Variants in RPS6KB1 observed in about 807,000 individuals in gnomAD.
The protein encoded by RPS6KB1 is ribosomal protein S6 kinase beta-1.
A neutral mutation model predicts 70.2 loss-of-function variants in RPS6KB1; 12 were observed. That is an observed-to-expected ratio of 0.17 (90% CI 0.11 to 0.28). The LOEUF (loss-of-function observed/expected upper bound fraction) is 0.28, where lower values mean the gene tolerates loss of function less well. Among genes scored for constraint, RPS6KB1 ranks in the 10% least tolerant of loss-of-function variants. RPS6KB1 has a pLI of 1.00. For synonymous variants in RPS6KB1, 175 were observed against 211.2 expected (o/e 0.83, Z 1.49); for missense variants, 270 against 646.6 (o/e 0.42, Z 6.32).
Position 59,946,583 on chromosome 17 carries a change from G to C in RPS6KB1, c.1373G>C (p.Gly458Ala). Residue 458 changes from glycine (G) to alanine (A), a missense_variant, in exon 15 of 15, where the codon GGA becomes GCA. Coordinates refer to ENST00000225577, the MANE Select transcript of RPS6KB1 (RefSeq NM_003161.4). This position sits in a 1 kb window ranked among gnomAD's most constrained non-coding sequence, Gnocchi z 4.2. ...PVKFSPGDFW[G>A]RGASASTANP... ...AAATTTTCTCCTGGGGATTTCTGGG[G>C]AAGAGGTGCTTCGGCCAGCACAGCA... 6.2e-7 allele frequency: 1 copy of C among 1,614,112 alleles called. No individual in the cohort carries two copies. Among genetic ancestry groups the C allele is most frequent in the Non-Finnish European group, 8.5e-7 (1 of 1,180,024 alleles).
chr17:59,947,687 A>G lies in RPS6KB1; in HGVS notation c.*899A>G. ...CGGGCCTGCATTGCACTGGAAAAAAAAATCGCCACCTGTTCTTACACCAGT... is the reference window on the plus strand; with the variant it reads ...CGGGCCTGCATTGCACTGGAAAAAAGAATCGCCACCTGTTCTTACACCAGT... On this transcript the variant is annotated 3_prime_UTR_variant, in exon 15 of 15. Transcript: ENST00000225577. The G allele has an allele frequency of 3.8e-6, 3 of 798,336 alleles. No homozygotes were observed. The highest frequency in any genetic ancestry group is 4.5e-4 in the Middle Eastern group (2 of 4,470). The allele number at this position is 798,336 out of a possible 1,614,324, so 49.5% of individuals were successfully genotyped here.
chr17:59,944,389 G>T (rs1231154668), intron 13 of RPS6KB1, among the ~76,000 whole-genome samples: 1 of 152,166 alleles, frequency 6.6e-6, no homozygotes, highest in Non-Finnish European at 1.5e-5. Context: ...ACAACTGAAG[G>T]TTTTTGAAAT....
chr17:59,918,299 TTTTATAG>T (rs1186965708), intron 4 of RPS6KB1, among the ~76,000 whole-genome samples: 3 of 152,180 alleles, frequency 2.0e-5, no homozygotes, highest in African/African-American at 7.2e-5. Context: ...GTTGTTTTTG[TTTTATAG>T]CAACCTGTTT....
intron 1 of RPS6KB1, among the ~76,000 whole-genome samples, chr17:59,898,737 A>C (rs1273426058): frequency 1.3e-5 from 2 of 150,850 alleles, no homozygotes; most frequent in Non-Finnish European, 3.0e-5. Context: ...GATTACAGGC[A>C]TGAGCCACCG....
intron 4 of RPS6KB1, among the ~76,000 whole-genome samples, chr17:59,923,904 A>G (rs1598756328): frequency 6.6e-6 from 1 of 152,218 alleles, no homozygotes; most frequent in Non-Finnish European, 1.5e-5. Flanking sequence ...CAGTTGTACA[A>G]TATGTGCATA....
intron 13 of RPS6KB1, among the ~76,000 whole-genome samples, chr17:59,942,299 G>A (rs1325411083): frequency 1.3e-5 from 2 of 152,178 alleles, no homozygotes; most frequent in African/African-American, 4.8e-5. Context: ...AAACATATTG[G>A]TTCATATGTA....
chr17:59,930,644 C>T (rs1161743540), intron 6 of RPS6KB1, among the ~76,000 whole-genome samples: 1 of 152,142 alleles, frequency 6.6e-6, no homozygotes, highest in Non-Finnish European at 1.5e-5. Context: ...AACATGTCAT[C>T]TGCTTCAAAT....
intron 1 of RPS6KB1, among the ~76,000 whole-genome samples, chr17:59,906,377 C>T (rs1045539256): frequency 1.3e-4 from 20 of 151,914 alleles, no homozygotes; most frequent in African/African-American, 4.3e-4. Context: ...CTTCCCCTTC[C>T]CTTTCGACAG....
chr17:59,910,731 A>G, intron 2 of RPS6KB1, 120 bp downstream of exon 2: 1 of 653,312 alleles, frequency 1.5e-6, no homozygotes, highest in Non-Finnish European at 2.6e-6. Flanking sequence ...AGTCATATTT[A>G]TCAACTCGAT....
chr17:59,927,750 G>A (rs2043700019), intron 5 of RPS6KB1, among the ~76,000 whole-genome samples: 1 of 151,184 alleles, frequency 6.6e-6, no homozygotes, highest in Non-Finnish European at 1.5e-5. Context: ...CAGGTGATCT[G>A]CCCACCTTGG....
intron 1 of RPS6KB1, among the ~76,000 whole-genome samples, chr17:59,895,160 A>G (rs2041459155): frequency 6.6e-6 from 1 of 150,780 alleles, no homozygotes; most frequent in Non-Finnish European, 1.5e-5. Context: ...AGCTGGGACT[A>G]CAGGCGCGTG....
intron 3 of RPS6KB1, among the ~76,000 whole-genome samples, chr17:59,913,576 A>T (rs541026282): frequency 1.3e-5 from 2 of 152,304 alleles, no homozygotes; most frequent in Admixed American, 6.5e-5. Flanking sequence ...GGGAGGGGTA[A>T]GGGAGAACTG....
intron 1 of RPS6KB1, among the ~76,000 whole-genome samples, chr17:59,908,742 C>T (rs1314678160): frequency 6.9e-6 from 1 of 144,164 alleles, no homozygotes; most frequent in Non-Finnish European, 1.5e-5. Context: ...CCTCAGCCTC[C>T]CGAGTAGCTG....
rs752451825 is a variant in RPS6KB1 at position 59,946,668 on chromosome 17, G to C, written c.1458G>C (p.Val486=). The C allele has an allele frequency of 3.7e-6, 6 of 1,614,130 alleles. No homozygotes were observed. The East Asian group carries it at 1.3e-4, about 36-fold the overall frequency. Residue 486 remains valine (V), a synonymous_variant, in exon 15 of 15, where the codon GTG becomes GTC. Transcript: ENST00000225577. The surrounding 1 kb of genome is among the most constrained non-coding windows in gnomAD (Gnocchi z 4.2). ...CAAGTGGCATAGAGCAGATGGATGTGACAATGAGTGGGGAAGCATCGGCAC... is the reference window on the plus strand; with the variant it reads ...CAAGTGGCATAGAGCAGATGGATGTCACAATGAGTGGGGAAGCATCGGCAC... ...METSGIEQMD[V]TMSGEASAPL...
intron 1 of RPS6KB1, among the ~76,000 whole-genome samples, chr17:59,901,672 C>G (rs2041961793): frequency 6.7e-6 from 1 of 149,116 alleles, no homozygotes; most frequent in South Asian, 2.1e-4. Flanking sequence ...AGAGTTTTGG[C>G]CAATTTAGTT....
At chr17:59,920,095 CTT>C (rs34782350) in intron 4 of RPS6KB1, among the ~76,000 whole-genome samples, 5 of 147,286 alleles carry the variant, frequency 3.4e-5, no homozygotes, top group Non-Finnish European at 4.5e-5. Flanking sequence ...ATTCCACTGT[CTT>C]TTTTTTTTTT....
At chr17:59,900,209 CACACA>C (rs2041835800) in intron 1 of RPS6KB1, among the ~76,000 whole-genome samples, 2 of 149,674 alleles carry the variant, frequency 1.3e-5, no homozygotes, top group Non-Finnish European at 3.0e-5. Context: ...CACACACACA[CACACA>C]CACACACACA....
In RPS6KB1 at chr17:59,947,891, C is replaced by T. The variant is rs1313088767; in HGVS notation, c.*1103C>T. On this transcript the variant is annotated 3_prime_UTR_variant, in exon 15 of 15. Coordinates refer to ENST00000225577, the MANE Select transcript of RPS6KB1 (RefSeq NM_003161.4). Reference sequence around the variant, plus strand: ...CTTTACAGCAAATTGGTAAGATTTTCAGTTTTACTTCTTTCTACTGTTTCT... The same window carrying T: ...CTTTACAGCAAATTGGTAAGATTTTTAGTTTTACTTCTTTCTACTGTTTCT... 5.6e-6 allele frequency: 2 copies of T among 357,186 alleles called. No individual in the cohort carries two copies. The highest frequency in any genetic ancestry group is 2.1e-5 in the African/African-American group (1 of 47,570). The allele number at this position is 357,186 out of a possible 1,614,324, so 22.1% of individuals were successfully genotyped here. A position where few individuals can be genotyped will look rare whatever the true frequency, so the allele number is the denominator to read the frequency against.
chr17:59,935,154 T>A (rs758060402), intron 9 of RPS6KB1, 39 bp from the exon 10 acceptor site: 2 of 1,268,768 alleles, frequency 1.6e-6, no homozygotes, highest in Non-Finnish European at 1.1e-6. Context: ...AATATTTTTC[T>A]CTCCCTGCTA....
Sources: gnomAD v4.1 joint callset for allele counts (sites outside exome capture counted in the v4.1 genomes callset) on GRCh38, gnomAD v4.1.1 for gene constraint, Gnocchi (gnomAD v3.1) non-coding constraint, MANE v1.5 for transcripts, NCBI Gene and HGNC (gene_info 2026-07-23, HGNC 2026-07-21) for gene names.